CBLN2: variants seen among roughly 807,000 people sequenced by gnomAD.
The protein encoded by CBLN2 is cerebellin 2 precursor, also known as cerebellin-2.
A neutral mutation model predicts 15.0 loss-of-function variants in CBLN2; 7 were observed. The observed-to-expected ratio is 0.47, with a 90% confidence interval of 0.27 to 0.88. The LOEUF (loss-of-function observed/expected upper bound fraction) is 0.88. Ranked by LOEUF, CBLN2 falls within the 40% of genes least tolerant of loss-of-function variation. The pLI is 0.14. For missense variants in CBLN2, 242 were observed against 304.5 expected (o/e 0.79, Z 1.53); for synonymous variants, 149 against 135.2 (o/e 1.10, Z -0.71).
At chr18:72,603,908 T>G (rs924683751) in intron 1 of CBLN2, among the ~76,000 whole-genome samples, 8 of 152,182 alleles carry the variant, frequency 5.3e-5, no homozygotes, top group African/African-American at 1.9e-4. Flanking sequence ...ACTCACTTGT[T>G]CTAACTAATA....
chr18:72,561,200 A>C (rs1361124643), intron 1 of CBLN2, among the ~76,000 whole-genome samples: 1 of 150,542 alleles, frequency 6.6e-6, no homozygotes, highest in Non-Finnish European at 1.5e-5. Context: ...AAAAACAGTA[A>C]ACTTGAAATC....
rs1042382434 is a variant in CBLN2 at position 72,536,857 on chromosome 18, G to T, written c.*1319C>A. ...ATTACACACCCATCAACTCTCAGCTGTGTCTTAATAATGTTGTACGAGATG... is the reference window on the plus strand; with the variant it reads ...ATTACACACCCATCAACTCTCAGCTTTGTCTTAATAATGTTGTACGAGATG... On this transcript the variant is annotated 3_prime_UTR_variant, in exon 5 of 5. Transcript: ENST00000269503. 6.6e-6 allele frequency: 1 copy of T among 152,612 alleles called. No homozygotes were observed. Among genetic ancestry groups the T allele is most frequent in the Non-Finnish European group, 1.5e-5 (1 of 68,038 alleles). 9.5% of individuals were successfully genotyped at this position (152,612 alleles called of 1,614,324 possible). A position where few individuals can be genotyped will look rare whatever the true frequency, so the allele number is the denominator to read the frequency against.
chr18:72,603,809 G>A (rs2069565085), intron 1 of CBLN2, among the ~76,000 whole-genome samples: 1 of 152,066 alleles, frequency 6.6e-6, no homozygotes, highest in African/African-American at 2.4e-5. Flanking sequence ...TAATTTCAAT[G>A]GGAAATCAAA....
chr18:72,576,627 C>T (rs970794856), intron 1 of CBLN2, among the ~76,000 whole-genome samples: 2 of 151,998 alleles, frequency 1.3e-5, no homozygotes, highest in African/African-American at 4.8e-5. Flanking sequence ...CCAAACAATA[C>T]CAGTCAGTTC....
At chr18:72,598,859 A>C (rs2069529491) in intron 1 of CBLN2, among the ~76,000 whole-genome samples, 1 of 152,214 alleles carries the variant, frequency 6.6e-6, no homozygotes, top group South Asian at 2.1e-4. Flanking sequence ...GCAAAGTCCC[A>C]AAATTGCTGC....
At chr18:72,585,057 G>A (rs973226727) in intron 1 of CBLN2, among the ~76,000 whole-genome samples, 6 of 152,208 alleles carry the variant, frequency 3.9e-5, no homozygotes, top group South Asian at 2.1e-4. Flanking sequence ...AGCTTCCACT[G>A]CAGGTACCAG....
At chr18:72,573,478 C>G (rs1568120863) in intron 1 of CBLN2, among the ~76,000 whole-genome samples, 1 of 152,164 alleles carries the variant, frequency 6.6e-6, no homozygotes, top group Non-Finnish European at 1.5e-5. Context: ...AACCACTGAT[C>G]TTTTTACTAT....
intron 1 of CBLN2, among the ~76,000 whole-genome samples, chr18:72,621,365 C>T (rs924024326): frequency 1.1e-4 from 16 of 152,042 alleles, no homozygotes; most frequent in South Asian, 2.1e-4. Flanking sequence ...GAACTATAAG[C>T]TTGATATATT....
chr18:72,545,901 A>T (rs1056340794), upstream of CBLN2, among the ~76,000 whole-genome samples: 1 of 152,196 alleles, frequency 6.6e-6, no homozygotes, highest in Non-Finnish European at 1.5e-5. Context: ...ACACTGGGGG[A>T]AAAAAGAAAA....
intron 1 of CBLN2, among the ~76,000 whole-genome samples, chr18:72,636,160 T>C (rs1364637352): frequency 3.3e-5 from 5 of 152,212 alleles, no homozygotes; most frequent in African/African-American, 4.8e-5. Context: ...AATTTAATTT[T>C]CTTTATAAAA....
chr18:72,566,605 G>T lies in CBLN2; in HGVS notation c.16-27833C>A, dbSNP rs61308061. ...CTCATGTATGGAATCTAAAAAGGTCGATCTCATAGAATTCAATAGAGTGGT... is the reference window on the plus strand; with the variant it reads ...CTCATGTATGGAATCTAAAAAGGTCTATCTCATAGAATTCAATAGAGTGGT... On this transcript the variant is annotated intron_variant, in intron 1 of 2. Coordinates refer to the CBLN2 transcript ENST00000581073. 0.027 allele frequency among the ~76,000 whole-genome samples: 4,176 copies of T among 152,172 alleles called. 610 individuals carry two copies. The East Asian group carries it at 0.47, about 17-fold the overall frequency.
chr18:72,597,438 T>C (rs1332284525), intron 1 of CBLN2, among the ~76,000 whole-genome samples: 2 of 152,224 alleles, frequency 1.3e-5, no homozygotes, highest in Non-Finnish European at 2.9e-5. Context: ...GAGCTCGGGA[T>C]GGCACAAGTA....
At position 72,570,636 on chromosome 18, in the gene CBLN2, C is replaced by T. The variant is rs368271134; in HGVS notation, c.16-31864G>A. Among the ~76,000 whole-genome samples, 43 of 152,024 alleles carry T rather than the reference C, an allele frequency of 2.8e-4. No homozygotes were observed. In the East Asian group the frequency reaches 3.9e-3, roughly 14 times the overall value. On this transcript the variant is annotated intron_variant, in intron 1 of 2. Transcript: ENST00000581073. ...TAAAGCACCTCACAGCCTTCTTGTG[C>T]TTGGGAAGACTAGATAGCACATCAA...
intron 1 of CBLN2, among the ~76,000 whole-genome samples, chr18:72,610,312 C>A (rs2069613832): frequency 6.6e-6 from 1 of 152,146 alleles, no homozygotes; most frequent in African/African-American, 2.4e-5. Context: ...GTACCTACCA[C>A]TGGGAAAACA....
At chr18:72,632,263 A>G (rs980432363) in intron 1 of CBLN2, among the ~76,000 whole-genome samples, 7 of 152,138 alleles carry the variant, frequency 4.6e-5, no homozygotes, top group Admixed American at 6.6e-5. Flanking sequence ...GAGATTCAAA[A>G]TTTTAAATGA....
At chr18:72,578,290 CTG>C (rs1312687231) in intron 1 of CBLN2, among the ~76,000 whole-genome samples, 1 of 152,188 alleles carries the variant, frequency 6.6e-6, no homozygotes, top group Non-Finnish European at 1.5e-5. Context: ...CTGTTTAAAA[CTG>C]TCTACCTGGA....
At position 72,543,612 on chromosome 18, in the gene CBLN2, A is replaced by ACCGCG. The variant is rs2069135167; in HGVS notation, c.-211-87_-211-83dup. 4 of 387,882 alleles carry ACCGCG rather than the reference A, an allele frequency of 1.0e-5. No individual in the cohort carries two copies. Among genetic ancestry groups the ACCGCG allele is most frequent in the Non-Finnish European group, 1.8e-5 (4 of 219,482 alleles). The allele number at this position is 387,882 out of a possible 1,614,324, so 24.0% of individuals were successfully genotyped here. ...CCCTGCTCCCAGCGCGTGGCCAATA[A>ACCGCG]CCGCGCCGCCCCGCCCTGCCGCTTT... On this transcript the variant is annotated intron_variant, in intron 1 of 4. Transcript: ENST00000269503. The surrounding 1 kb of genome is among the most constrained non-coding windows in gnomAD (Gnocchi z 6.8).
chr18:72,592,133 G>T (rs2069483798), intron 1 of CBLN2, among the ~76,000 whole-genome samples: 1 of 152,002 alleles, frequency 6.6e-6, no homozygotes, highest in African/African-American at 2.4e-5. Flanking sequence ...TACAAAGATT[G>T]ATTTTTCTTT....
intron 1 of CBLN2, among the ~76,000 whole-genome samples, chr18:72,622,811 C>G (rs564948633): frequency 6.6e-6 from 1 of 152,258 alleles, no homozygotes; most frequent in Non-Finnish European, 1.5e-5. Flanking sequence ...GCAGTACCCC[C>G]CTCCGTGTTA....
Sources: allele counts gnomAD v4.1 joint callset (sites outside exome capture counted in the v4.1 genomes callset), GRCh38; gene constraint gnomAD v4.1.1; non-coding constraint Gnocchi (gnomAD v3.1); transcripts MANE v1.5; gene names NCBI Gene and HGNC (gene_info 2026-07-23, HGNC 2026-07-21).